R3HCC1: variants seen among roughly 807,000 people sequenced by gnomAD.
The protein encoded by R3HCC1 is R3H and coiled-coil domain-containing protein 1.
Under a neutral mutation model 40.0 loss-of-function variants are expected in R3HCC1, and 32 were observed. That is an observed-to-expected ratio of 0.80 (90% confidence interval 0.60 to 1.07). The LOEUF (loss-of-function observed/expected upper bound fraction) is 1.07. Ranked by LOEUF, R3HCC1 falls within the 50% of genes least tolerant of loss-of-function variation. The pLI, the probability that R3HCC1 is intolerant of heterozygous loss-of-function variation, is 0.00. For missense variants in R3HCC1, 586 were observed against 563.3 expected (o/e 1.04, Z -0.41); for synonymous variants, 237 against 232.8 (o/e 1.02, Z -0.17).
At chr8:23,288,784 C>A (rs914144084) in intron 2 of R3HCC1, among the ~76,000 whole-genome samples, 151 bp downstream of exon 2, 3 of 152,170 alleles carry the variant, frequency 2.0e-5, no homozygotes, top group Non-Finnish European at 2.9e-5. Context: ...TTAGCTGCAT[C>A]TTTGTAATTG....
At position 23,291,433 on chromosome 8, in the gene R3HCC1, G is replaced by A; in HGVS notation, c.925G>A (p.Glu309Lys). Residue 309 changes from glutamate (E) to lysine (K), a missense_variant, in exon 5 of 8, where the codon GAG becomes AAG. Glu to Lys is a moderately conservative substitution (Grantham distance 56). Coordinates refer to ENST00000265806, the MANE Select transcript of R3HCC1 (RefSeq NM_001136108.3). ...TTTGGACACATCCTCCTTCGTGGAG[G>A]AGCTGCCTGGAGAGAAGGACCTTGC... is the stretch of plus-strand genomic sequence containing the variant. 1.9e-6 allele frequency: 3 copies of A among 1,551,702 alleles called. No individual in the cohort carries two copies. The highest frequency in any genetic ancestry group is 2.6e-6 in the Non-Finnish European group (3 of 1,146,956).
At chr8:23,293,398 C>A in intron 6 of R3HCC1, 25 bp downstream of exon 6, 4 of 1,533,840 alleles carry the variant, frequency 2.6e-6, no homozygotes, top group Non-Finnish European at 2.7e-6. Context: ...GTGGGCCCAG[C>A]CCTTGCTCGG....
chr8:23,295,508 G>GTAAC (rs1802988763), intron 7 of R3HCC1: 1 of 458,974 alleles, frequency 2.2e-6, no homozygotes, highest in African/African-American at 2.0e-5. Flanking sequence ...CTTCAAAGTA[G>GTAAC]TAACTAGTAA....
Position 23,290,446 on chromosome 8 carries a change from G to A in R3HCC1, c.829G>A (p.Asp277Asn). Residue 277 changes from aspartate to asparagine, a missense_variant, in exon 4 of 8, where the codon GAT becomes AAT. Physicochemically the swap from Asp to Asn is conservative, Grantham distance 23 (BLOSUM62 1). Transcript: ENST00000265806. ...TGGCCCCAGCAGCTGCTCGGAGGACGATTACAGTGAGCTGCTGCAGGAGGT... is the reference window on the plus strand; with the variant it reads ...TGGCCCCAGCAGCTGCTCGGAGGACAATTACAGTGAGCTGCTGCAGGAGGT... 9 of 1,550,650 alleles carry A rather than the reference G, an allele frequency of 5.8e-6. No individual in the cohort carries two copies. The highest frequency in any genetic ancestry group is 1.4e-5 in the African/African-American group (1 of 73,158).
At chr8:23,294,494 C>T (rs796474511) in intron 6 of R3HCC1, among the ~76,000 whole-genome samples, 22 of 152,350 alleles carry the variant, frequency 1.4e-4, no homozygotes, top group African/African-American at 5.1e-4. Context: ...CCCGCCTCTT[C>T]TGATGTCAGA....
At chr8:23,290,752 C>T (rs1277057402) in intron 4 of R3HCC1, among the ~76,000 whole-genome samples, 1 of 152,164 alleles carries the variant, frequency 6.6e-6, no homozygotes. Context: ...ATACAGCCTT[C>T]ACTAGGTCAT....
rs376173902 is a variant in R3HCC1, at chr8:23,294,854, G to A, written c.1182G>A (p.Leu394=). ...CCAAGCAGTCAAAGCTCAAAGCCTT[G>A]CAGAGGCCAAGTAAGGAAAGCGCAT... Residue 394 remains leucine (L), a synonymous_variant, in exon 7 of 8, where the codon TTG becomes TTA. Coordinates refer to ENST00000265806, the MANE Select transcript of R3HCC1 (RefSeq NM_001136108.3). The A allele has an allele frequency of 5.2e-6, 8 of 1,550,952 alleles. No homozygotes were observed. In the African/African-American group the frequency reaches 9.6e-5, roughly 19 times the overall value.
At chr8:23,291,715 G>T (rs1225003637) in intron 5 of R3HCC1, among the ~76,000 whole-genome samples, 182 bp downstream of exon 5, 25 of 152,250 alleles carry the variant, frequency 1.6e-4, no homozygotes, top group Admixed American at 1.6e-3. Context: ...CCTCGGGAAA[G>T]AGAGCACTGA....
chr8:23,293,276 T>C lies in R3HCC1; in HGVS notation c.1026-27T>C, dbSNP rs574728754. 35 of 1,543,284 alleles carry C rather than the reference T, an allele frequency of 2.3e-5. No homozygotes were observed. The East Asian group carries it at 7.8e-4, about 35-fold the overall frequency. The stretch of plus-strand genomic sequence containing the variant: ...GAGTTTGACTGCTTGCTTTCCTGAA[T>C]GTGCTGTCTCCTCTCTCGCCGCACA... On this transcript the variant is annotated intron_variant, in intron 5 of 7. Coordinates refer to ENST00000265806, the MANE Select transcript of R3HCC1 (RefSeq NM_001136108.3).
intron 5 of R3HCC1, among the ~76,000 whole-genome samples, chr8:23,292,580 C>T (rs6997316): frequency 0.53 from 80,802 of 151,796 alleles, 21,917 homozygotes; most frequent in East Asian, 0.81. Flanking sequence ...TGCCACTGCA[C>T]TTCAGCCTGG....
At chr8:23,291,915 G>GAACT (rs1802876627) in intron 5 of R3HCC1, among the ~76,000 whole-genome samples, 1 of 152,194 alleles carries the variant, frequency 6.6e-6, no homozygotes, top group Non-Finnish European at 1.5e-5. Flanking sequence ...CTCCATGTGG[G>GAACT]AACTGTTTCT....
rs1344884390 is a variant in R3HCC1, at chr8:23,294,748, A to C, written c.1097-21A>C. 5 of 1,544,506 alleles carry C rather than the reference A, an allele frequency of 3.2e-6. No individual in the cohort carries two copies. In the Admixed American group the frequency reaches 9.8e-5, roughly 30 times the overall value. ...GTCCTGAGGAGGAGGGAGTGGCTCC[A>C]CGCCTGCTTTCTTTCCACAGCTGCG... On this transcript the variant is annotated intron_variant, in intron 6 of 7. Transcript: ENST00000265806.
chr8:23,288,604 C>T lies in R3HCC1; in HGVS notation c.81C>T (p.Asp27=). Residue 27 remains aspartate, a synonymous_variant, in exon 2 of 8, where the codon GAC becomes GAT. Coordinates refer to ENST00000265806, the MANE Select transcript of R3HCC1 (RefSeq NM_001136108.3). ...TCCACCGGATCCAGGAGGAACTGGA[C>T]CGCTTTCTGCTGCAGAAGCAGCTGT... The T allele has an allele frequency of 1.3e-6, 2 of 1,536,046 alleles. No individual in the cohort carries two copies. Among genetic ancestry groups the T allele is most frequent in the South Asian group, 1.2e-5 (1 of 84,062 alleles).
chr8:23,288,947 C>T, intron 2 of R3HCC1, 69 bp from the exon 3 acceptor site: 1 of 1,492,048 alleles, frequency 6.7e-7, no homozygotes, highest in South Asian at 1.2e-5. Flanking sequence ...CCGCGATTAA[C>T]CTGGGAGTGG....
chr8:23,291,702 G>A (rs181444461), intron 5 of R3HCC1, among the ~76,000 whole-genome samples, 169 bp downstream of exon 5: 51 of 152,370 alleles, frequency 3.3e-4, no homozygotes, highest in East Asian at 2.3e-3. Flanking sequence ...CCTGCCGGCC[G>A]TCCCTCGGGA....
chr8:23,294,959 C>G (rs1802965238), intron 7 of R3HCC1, 95 bp downstream of exon 7: 1 of 923,278 alleles, frequency 1.1e-6, no homozygotes, highest in Non-Finnish European at 1.7e-6. Context: ...CTGGTTTGGG[C>G]AGGGTCTTCC....
intron 4 of R3HCC1, among the ~76,000 whole-genome samples, chr8:23,290,805 A>T (rs1177186195): frequency 6.6e-6 from 1 of 152,184 alleles, no homozygotes; most frequent in Admixed American, 6.5e-5. Context: ...TGTGTTACGG[A>T]TGCCAGTCAT....
At position 23,296,071 on chromosome 8, in the gene R3HCC1, G is replaced by C. The variant is rs773005137; in HGVS notation, c.1297G>C (p.Ala433Pro). ...CCAACACAAAAAGAAAGAGCGGCCTGCTGTCCGGGGTCCGCTGCCGCCCTG... is the reference window on the plus strand; with the variant it reads ...CCAACACAAAAAGAAAGAGCGGCCTCCTGTCCGGGGTCCGCTGCCGCCCTG... Residue 433 changes from alanine (A) to proline (P), a missense_variant, in exon 8 of 8, where the codon GCT becomes CCT. Coordinates refer to ENST00000265806, the MANE Select transcript of R3HCC1 (RefSeq NM_001136108.3). 1.3e-6 allele frequency: 2 copies of C among 1,550,406 alleles called. No individual in the cohort carries two copies. The highest frequency in any genetic ancestry group is 1.2e-5 in the South Asian group (1 of 84,058).
chr8:23,294,983 T>C, intron 7 of R3HCC1, 119 bp downstream of exon 7: 1 of 764,918 alleles, frequency 1.3e-6, no homozygotes, highest in Non-Finnish European at 2.2e-6. Context: ...CTGTTAATTC[T>C]TCCCGCTTGA....
Sources: gnomAD v4.1 joint callset for allele counts (sites outside exome capture counted in the v4.1 genomes callset) on GRCh38, gnomAD v4.1.1 for gene constraint, MANE v1.5 for transcripts, NCBI Gene and HGNC (gene_info 2026-07-23, HGNC 2026-07-21) for gene names.